ANO10: variants seen among roughly 807,000 people sequenced by gnomAD.
ANO10 encodes anoctamin-10.
ANO10 carries 77 observed loss-of-function variants against 74.7 expected under a neutral mutation model. That is an observed-to-expected ratio of 1.03 (90% CI 0.86 to 1.25). The LOEUF (loss-of-function observed/expected upper bound fraction) is 1.25. Among genes scored for constraint, ANO10 ranks in the 50% most tolerant of loss-of-function variants. The pLI, the probability that ANO10 is intolerant of heterozygous loss-of-function variation, is 0.00. For missense variants in ANO10, 721 were observed against 778.1 expected, an observed-to-expected ratio of 0.93 and a Z score of 0.87; for synonymous variants, 279 against 284.9, an observed-to-expected ratio of 0.98 and a Z score of 0.21.
At chr3:43,621,869 G>A (rs1418171439) in intron 1 of ANO10, 40 bp downstream of exon 1, 1 of 152,470 alleles carries the variant, frequency 6.6e-6, no homozygotes, top group Admixed American at 6.5e-5. Flanking sequence ...GGGCTCTGCT[G>A]CGGACAGCTG....
At chr3:43,544,796 T>TA (rs556665373) in intron 11 of ANO10, among the ~76,000 whole-genome samples, 1,410 of 110,924 alleles carry the variant, frequency 0.013, 8 homozygotes, top group African/African-American at 0.02. Flanking sequence ...CTGTCTGAAA[T>TA]AAAAAAAAAA....
chr3:43,642,492 A>G (rs2149564176), intron 1 of ANO10, among the ~76,000 whole-genome samples: 1 of 152,322 alleles, frequency 6.6e-6, no homozygotes, highest in East Asian at 1.9e-4. Context: ...TGGTTGCCAC[A>G]TTTGAAATAA....
rs369417903 is a variant in ANO10, at chr3:43,577,122, C to T, written c.732G>A (p.Val244=). 1.9e-5 allele frequency: 30 copies of T among 1,614,060 alleles called. No homozygotes were observed. The highest frequency in any genetic ancestry group is 2.5e-5 in the Non-Finnish European group (30 of 1,180,044). Residue 244 remains valine, a synonymous_variant, in exon 6 of 13, where the codon GTG becomes GTA. Coordinates refer to ENST00000292246, the MANE Select transcript of ANO10 (RefSeq NM_018075.5). ...LFVWEDYDKY[V]IFASFNLIWS... Reference sequence around the variant, plus strand: ...AGATGAGGTTGAACGAGGCAAAGATCACGTACTTGTCATAGTCTTCCCACA... The same window carrying T: ...AGATGAGGTTGAACGAGGCAAAGATTACGTACTTGTCATAGTCTTCCCACA...
intron 9 of ANO10, among the ~76,000 whole-genome samples, chr3:43,556,500 G>A (rs1175367538): frequency 6.6e-6 from 1 of 152,158 alleles, no homozygotes; most frequent in Non-Finnish European, 1.5e-5. Flanking sequence ...TCTGAGTGAT[G>A]ATAGCTACAC....
chr3:43,390,391 C>T (rs1376390618), intron 12 of ANO10, among the ~76,000 whole-genome samples: 1 of 152,264 alleles, frequency 6.6e-6, no homozygotes, highest in Non-Finnish European at 1.5e-5. Flanking sequence ...TCACTCCCAA[C>T]CTCTGTGCCC....
intron 1 of ANO10, among the ~76,000 whole-genome samples, chr3:43,615,538 A>C (rs2083054484): frequency 6.6e-6 from 1 of 152,170 alleles, no homozygotes; most frequent in African/African-American, 2.4e-5. Flanking sequence ...ATCAGAAAAA[A>C]AGTGGCTCTA....
chr3:43,481,514 G>A (rs150069735), intron 11 of ANO10, among the ~76,000 whole-genome samples: 1,748 of 152,224 alleles, frequency 0.011, 13 homozygotes, highest in Middle Eastern at 0.017. Flanking sequence ...GGACATGGGG[G>A]GTTGAACATG....
At chr3:43,615,606 T>G (rs1179421329) in intron 1 of ANO10, among the ~76,000 whole-genome samples, 1 of 152,102 alleles carries the variant, frequency 6.6e-6, no homozygotes, top group Non-Finnish European at 1.5e-5. Flanking sequence ...AAATACACAC[T>G]TCAGTTAAAG....
At chr3:43,499,019 G>A (rs2077009428) in intron 11 of ANO10, among the ~76,000 whole-genome samples, 1 of 152,168 alleles carries the variant, frequency 6.6e-6, no homozygotes, top group Non-Finnish European at 1.5e-5. Context: ...TACTGAGGAA[G>A]AAGCTAAAAA....
chr3:43,652,135 T>C (rs965360889), intron 1 of ANO10, among the ~76,000 whole-genome samples: 1 of 151,046 alleles, frequency 6.6e-6, no homozygotes, highest in African/African-American at 2.4e-5. Context: ...TTTTCAGAAA[T>C]TGATAAGCTG....
At chr3:43,450,540 T>G (rs561353298) in intron 11 of ANO10, among the ~76,000 whole-genome samples, 82 of 152,178 alleles carry the variant, frequency 5.4e-4, no homozygotes, top group Non-Finnish European at 1.0e-3. Flanking sequence ...AAATTCCATC[T>G]CAAAAAAAGA....
rs1047736142 is a variant in ANO10 at position 43,680,228 on chromosome 3, G to C, written c.-12+11289C>G. ...ATGGCTAACTAGAATAACCAATGCA[G>C]AGGAGTCCTTAAAGGACCTGATGGA... On this transcript the variant is annotated intron_variant, in intron 1 of 3. Coordinates refer to the ANO10 transcript ENST00000413397. Among the ~76,000 whole-genome samples, 4 of 152,308 alleles carry C rather than the reference G, an allele frequency of 2.6e-5. No individual in the cohort carries two copies. In the East Asian group the frequency reaches 7.7e-4, roughly 29 times the overall value.
At chr3:43,375,104 G>A (rs1371188153) in intron 12 of ANO10, among the ~76,000 whole-genome samples, 2 of 150,480 alleles carry the variant, frequency 1.3e-5, no homozygotes, top group Middle Eastern at 3.2e-3. Context: ...CTGGGTGACA[G>A]AGTGAAACTC....
intron 5 of ANO10, among the ~76,000 whole-genome samples, chr3:43,579,515 C>T (rs187545354): frequency 3.3e-4 from 50 of 152,154 alleles, no homozygotes; most frequent in Admixed American, 6.5e-4. Flanking sequence ...GTCAGGAGTT[C>T]GAAACTAGCC....
intron 1 of ANO10, among the ~76,000 whole-genome samples, chr3:43,664,767 A>G (rs1471492012): frequency 1.3e-5 from 2 of 152,140 alleles, no homozygotes; most frequent in South Asian, 2.1e-4. Context: ...GACAACAGAC[A>G]TATGAAAAAA....
At chr3:43,529,306 A>G (rs1404983395) in intron 11 of ANO10, among the ~76,000 whole-genome samples, 1 of 152,232 alleles carries the variant, frequency 6.6e-6, no homozygotes, top group Non-Finnish European at 1.5e-5. Context: ...TCAAGTATAC[A>G]TGTTATAGAA....
At chr3:43,650,878 C>A (rs554119157) in intron 1 of ANO10, among the ~76,000 whole-genome samples, 1 of 152,126 alleles carries the variant, frequency 6.6e-6, no homozygotes, top group Non-Finnish European at 1.5e-5. Flanking sequence ...AACACACTTG[C>A]GGAAGTTATA....
chr3:43,627,563 C>A (rs987745993), intron 1 of ANO10, among the ~76,000 whole-genome samples: 1 of 152,244 alleles, frequency 6.6e-6, no homozygotes, highest in Non-Finnish European at 1.5e-5. Flanking sequence ...GAAGCCACAA[C>A]CTTCCTATTC....
At chr3:43,529,618 A>C (rs963093908) in intron 11 of ANO10, among the ~76,000 whole-genome samples, 1 of 152,226 alleles carries the variant, frequency 6.6e-6, no homozygotes, top group Non-Finnish European at 1.5e-5. Context: ...GTAAATGGTA[A>C]ACATTCTGAC....
Sources: allele counts gnomAD v4.1 joint callset (sites outside exome capture counted in the v4.1 genomes callset), GRCh38; gene constraint gnomAD v4.1.1; transcripts MANE v1.5; gene names NCBI Gene and HGNC (gene_info 2026-07-23, HGNC 2026-07-21).